Variants in CHST11 observed in about 807,000 individuals in gnomAD.
CHST11 encodes the protein carbohydrate sulfotransferase 11.
In CHST11, 9 loss-of-function variants were observed where a neutral mutation model predicts 30.4. The ratio of observed to expected loss-of-function variants is 0.30; its 90% CI spans 0.18 to 0.52. The LOEUF (loss-of-function observed/expected upper bound fraction) is 0.52, where lower values mean the gene tolerates loss of function less well. Among genes scored for constraint, CHST11 ranks in the 20% least tolerant of loss-of-function variants. CHST11 has a pLI of 0.97. For synonymous variants in CHST11, 152 were observed against 187.8 expected (o/e 0.81, Z 1.56); for missense variants, 348 against 460.6 (o/e 0.76, Z 2.24).
intron 2 of CHST11, among the ~76,000 whole-genome samples, chr12:104,665,606 G>A (rs763186207): frequency 4.0e-5 from 6 of 151,790 alleles, no homozygotes; most frequent in South Asian, 2.1e-4. Context: ...GCACAGCATC[G>A]GGTACATCAT....
rs1276740030 is a variant in CHST11, at chr12:104,729,061, A to C, written c.205-27888A>C. Among the ~76,000 whole-genome samples, 1 of 152,152 alleles carries C rather than the reference A, an allele frequency of 6.6e-6. No homozygotes were observed. Among genetic ancestry groups the C allele is most frequent in the East Asian group, 1.9e-4 (1 of 5,196 alleles). Reference sequence around the variant, plus strand: ...GTTAATGGGAATTTAGGGGAATTTTATTTTCGTGTTATTGTTTTCCTCTAA... The same window carrying C: ...GTTAATGGGAATTTAGGGGAATTTTCTTTTCGTGTTATTGTTTTCCTCTAA... On this transcript the variant is annotated intron_variant, in intron 2 of 2. Coordinates refer to ENST00000303694, the MANE Select transcript of CHST11 (RefSeq NM_018413.6). The surrounding 1 kb of genome is among the most constrained non-coding windows in gnomAD (Gnocchi z 4.0).
At chr12:104,622,345 T>C (rs2039168178) in intron 2 of CHST11, among the ~76,000 whole-genome samples, 1 of 152,226 alleles carries the variant, frequency 6.6e-6, no homozygotes. Flanking sequence ...CATTTATTTT[T>C]TTTAAAAGGA....
At chr12:104,493,327 A>G (rs1377472779) in intron 1 of CHST11, among the ~76,000 whole-genome samples, 1 of 152,182 alleles carries the variant, frequency 6.6e-6, no homozygotes, top group East Asian at 1.9e-4. Context: ...CAGATGATGG[A>G]TGTGGAAGAG....
chr12:104,716,777 G>A (rs939683721), intron 2 of CHST11, among the ~76,000 whole-genome samples: 3 of 152,262 alleles, frequency 2.0e-5, no homozygotes, highest in African/African-American at 4.8e-5. Context: ...ATTCGAAGAC[G>A]AAGGAATCAT....
intron 2 of CHST11, among the ~76,000 whole-genome samples, chr12:104,603,543 C>G (rs2038976678): frequency 6.6e-6 from 1 of 152,216 alleles, no homozygotes; most frequent in African/African-American, 2.4e-5. Context: ...AGGTTCAAAT[C>G]CCGGCTTCAT....
intron 2 of CHST11, among the ~76,000 whole-genome samples, chr12:104,681,735 G>A (rs1304848427): frequency 2.0e-5 from 3 of 151,476 alleles, no homozygotes; most frequent in Admixed American, 6.6e-5. Flanking sequence ...CGTAGTCCCA[G>A]TTGCTACTTG....
In CHST11 at chr12:104,675,468, G is replaced by A. The variant is rs2039732371; in HGVS notation, c.204+73477G>A. Among the ~76,000 whole-genome samples, 3 of 152,172 alleles carry A rather than the reference G, an allele frequency of 2.0e-5. No homozygotes were observed. In the South Asian group the frequency reaches 6.2e-4, roughly 32 times the overall value. On this transcript the variant is annotated intron_variant, in intron 2 of 2. Transcript: ENST00000303694. ...TCTTATTTTCTCTTAGCTATGTAAT[G>A]TGAGTAGGGTGTATTACTATCTCCT...
At position 104,457,630 on chromosome 12, in the gene CHST11, C is replaced by T. The variant is rs975933243; in HGVS notation, c.118+101C>T. ...GCCTCTTCCAACCCTACCTCTCCGC[C>T]TTCGGCCTCTTCGGGGCTCCTGGCT... is the stretch of plus-strand genomic sequence containing the variant. On this transcript the variant is annotated intron_variant, in intron 1 of 2. Coordinates refer to ENST00000303694, the MANE Select transcript of CHST11 (RefSeq NM_018413.6). 64 of 849,768 alleles carry T rather than the reference C, an allele frequency of 7.5e-5. 1 individual carries two copies. The Admixed American group carries it at 1.1e-3, about 14-fold the overall frequency. The allele number at this position is 849,768 out of a possible 1,614,324, so 52.6% of individuals were successfully genotyped here. A position where few individuals can be genotyped will look rare whatever the true frequency, so the allele number is the denominator to read the frequency against.
intron 1 of CHST11, 91 bp from the exon 2 acceptor site, chr12:104,601,815 T>G: frequency 1.0e-6 from 1 of 989,422 alleles, no homozygotes; most frequent in South Asian, 1.4e-5. Context: ...CTTTCCTGCC[T>G]GTTTCTTCTT....
chr12:104,494,332 A>G (rs1052592328), intron 1 of CHST11, among the ~76,000 whole-genome samples: 4 of 152,224 alleles, frequency 2.6e-5, no homozygotes, highest in African/African-American at 7.2e-5. Context: ...CTTAGTGTCT[A>G]TAGCCCGTCA....
chr12:104,519,868 C>T (rs2038059251), intron 1 of CHST11, among the ~76,000 whole-genome samples: 3 of 152,194 alleles, frequency 2.0e-5, no homozygotes, highest in South Asian at 2.1e-4. Flanking sequence ...AGAACTGTTT[C>T]GGCAAAGCCT....
At chr12:104,583,691 C>G (rs985937754) in intron 1 of CHST11, among the ~76,000 whole-genome samples, 1 of 149,408 alleles carries the variant, frequency 6.7e-6, no homozygotes, top group Admixed American at 6.8e-5. Context: ...AAACAAATGC[C>G]TTGTGCTCTC....
chr12:104,561,100 T>C (rs1485730895), intron 1 of CHST11, among the ~76,000 whole-genome samples: 7 of 146,376 alleles, frequency 4.8e-5, no homozygotes, highest in Non-Finnish European at 7.4e-5. Context: ...ACCAAACTCA[T>C]GTGCTATTTG....
intron 1 of CHST11, among the ~76,000 whole-genome samples, chr12:104,567,429 A>G (rs1206330184): frequency 2.0e-5 from 3 of 152,150 alleles, no homozygotes; most frequent in Non-Finnish European, 4.4e-5. Context: ...CCCTGGGTGG[A>G]TGTTTTATGA....
At chr12:104,545,900 A>G (rs2038343019) in intron 1 of CHST11, among the ~76,000 whole-genome samples, 1 of 151,940 alleles carries the variant, frequency 6.6e-6, no homozygotes, top group Non-Finnish European at 1.5e-5. Context: ...ATCTCAGCTC[A>G]CTGCAACCTC....
chr12:104,634,933 C>A (rs1010817067), intron 2 of CHST11, among the ~76,000 whole-genome samples: 1 of 152,044 alleles, frequency 6.6e-6, no homozygotes, highest in Non-Finnish European at 1.5e-5. Flanking sequence ...AGTCATTCAT[C>A]AAGGGAAGGA....
chr12:104,690,697 C>T (rs1223188772), intron 2 of CHST11, among the ~76,000 whole-genome samples: 1 of 152,110 alleles, frequency 6.6e-6, no homozygotes, highest in Non-Finnish European at 1.5e-5. Flanking sequence ...GGCATGGGGG[C>T]ATACGCCTGT....
At chr12:104,631,658 C>G (rs2039271594) in intron 2 of CHST11, among the ~76,000 whole-genome samples, 1 of 152,214 alleles carries the variant, frequency 6.6e-6, no homozygotes, top group African/African-American at 2.4e-5. Context: ...TGAATTCCAT[C>G]CTTGCTGGGG....
At chr12:104,722,098 C>T (rs2040181699) in intron 2 of CHST11, among the ~76,000 whole-genome samples, 1 of 151,698 alleles carries the variant, frequency 6.6e-6, no homozygotes, top group South Asian at 2.1e-4. Flanking sequence ...AAACCATCCG[C>T]TCCCCTCAGT....
Sources: allele counts gnomAD v4.1 joint callset (sites outside exome capture counted in the v4.1 genomes callset), GRCh38; gene constraint gnomAD v4.1.1; non-coding constraint Gnocchi (gnomAD v3.1); transcripts MANE v1.5; gene names NCBI Gene and HGNC (gene_info 2026-07-23, HGNC 2026-07-21).